The following FAM53A variants were observed in gnomAD, a reference collection of about 807,000 sequenced individuals.
The protein encoded by FAM53A is family with sequence similarity 53 member A, also known as protein FAM53A.
FAM53A carries 28 observed loss-of-function variants against 26.6 expected under a neutral mutation model. The ratio of observed to expected loss-of-function variants is 1.05; its 90% confidence interval spans 0.78 to 1.45. The LOEUF (loss-of-function observed/expected upper bound fraction) is 1.45, where lower values mean the gene tolerates loss of function less well. Among genes scored for constraint, FAM53A ranks in the 40% most tolerant of loss-of-function variants. The pLI is 0.00. For synonymous variants in FAM53A, 290 were observed against 253.1 expected (o/e 1.15, Z -1.38); for missense variants, 650 against 575.8 (o/e 1.13, Z -1.32).
chr4:1,621,101 C>T (rs1371298055), intron 1 of FAM53A, among the ~76,000 whole-genome samples: 50 of 95,508 alleles, frequency 5.2e-4, no homozygotes, highest in African/African-American at 7.9e-4. Context: ...AGCTACGCTA[C>T]TTTTTTTTTT....
intron 2 of FAM53A, among the ~76,000 whole-genome samples, chr4:1,657,794 C>G (rs1021766581): frequency 1.3e-5 from 2 of 151,902 alleles, no homozygotes; most frequent in Admixed American, 6.6e-5. Flanking sequence ...CCCACCACCA[C>G]GCCCGGTTAA....
the FAM53A span, among the ~76,000 whole-genome samples, chr4:1,607,984 A>C: frequency 6.7e-6 from 1 of 149,214 alleles, no homozygotes; most frequent in East Asian, 2.0e-4. Context: ...TGGTAGCACG[A>C]GCCTGTAATC....
chr4:1,643,282 C>G (rs181267892), intron 4 of FAM53A, among the ~76,000 whole-genome samples: 1 of 151,964 alleles, frequency 6.6e-6, no homozygotes, highest in Non-Finnish European at 1.5e-5. Flanking sequence ...CTGGCTAACA[C>G]GGTGAAGCCC....
the FAM53A span, among the ~76,000 whole-genome samples, chr4:1,583,230 C>A: frequency 2.0e-5 from 3 of 152,262 alleles, no homozygotes; most frequent in African/African-American, 4.8e-5. Context: ...GGGAGGGGAC[C>A]AGCACCAAGA....
Position 1,623,461 on chromosome 4 carries a change from G to A in FAM53A, c.432-5350C>T, listed in dbSNP as rs190136900. Among the ~76,000 whole-genome samples, 250 of 152,324 alleles carry A rather than the reference G, an allele frequency of 1.6e-3. 2 individuals are homozygous for A. Among genetic ancestry groups the A allele is most frequent in the Non-Finnish European group, 6.2e-4 (42 of 68,032 alleles). ...CTCAGGCCACCAGGCCCCCGGGCTC[G>A]CCAGCGCTTTCACCGGATGGCCACC... On this transcript the variant is annotated intron_variant, in intron 1 of 1. Coordinates refer to the FAM53A transcript ENST00000489029.
chr4:1,593,812 G>A, the FAM53A span, among the ~76,000 whole-genome samples: 5 of 152,084 alleles, frequency 3.3e-5, no homozygotes, highest in East Asian at 7.7e-4. Context: ...ACGCGCGCTC[G>A]GGTGAAAAAA....
chr4:1,680,122 C>G (rs1367854587), intron 1 of FAM53A, among the ~76,000 whole-genome samples: 6 of 151,434 alleles, frequency 4.0e-5, no homozygotes, highest in African/African-American at 1.5e-4. Context: ...GGGTTCAAGA[C>G]CAGCCTGGCC....
rs1333143271 is a variant in FAM53A, at chr4:1,659,118, G to A, written c.76-1650C>T. On this transcript the variant is annotated intron_variant, in intron 2 of 4. Transcript: ENST00000308132. The surrounding 1 kb of genome is among the most constrained non-coding windows in gnomAD (Gnocchi z 5.2). Reference sequence around the variant, plus strand: ...GAAAAAAGACAGGCCGCCTACACACGGGGTCCCACCTCAGCCAGCACGGCG... The same window carrying A: ...GAAAAAAGACAGGCCGCCTACACACAGGGTCCCACCTCAGCCAGCACGGCG... Among the ~76,000 whole-genome samples the A allele has an allele frequency of 6.6e-6, 1 of 151,884 alleles. No homozygotes were observed. The highest frequency in any genetic ancestry group is 1.5e-5 in the Non-Finnish European group (1 of 68,038).
chr4:1,581,839 C>G, the FAM53A span, among the ~76,000 whole-genome samples: 1 of 151,850 alleles, frequency 6.6e-6, no homozygotes, highest in East Asian at 1.9e-4. Flanking sequence ...AGGTGATCTG[C>G]CCTCCTCATC....
downstream of FAM53A, among the ~76,000 whole-genome samples, chr4:1,616,124 G>A (rs919370098): frequency 2.6e-5 from 4 of 152,226 alleles, no homozygotes; most frequent in Admixed American, 6.5e-5. Flanking sequence ...CCGGCAAGAC[G>A]AAGGGGTGGG....
At chr4:1,610,171 C>T in the FAM53A span, among the ~76,000 whole-genome samples, 1 of 151,926 alleles carries the variant, frequency 6.6e-6, no homozygotes, top group African/African-American at 2.4e-5. Context: ...CGAGGGGGCA[C>T]CCAGGACTGG....
intron 4 of FAM53A, among the ~76,000 whole-genome samples, chr4:1,650,630 G>A (rs922298790): frequency 6.6e-6 from 1 of 151,930 alleles, no homozygotes; most frequent in African/African-American, 2.4e-5. Context: ...CAAGTAGCTA[G>A]GACTACAGGC....
At chr4:1,587,451 C>T in the FAM53A span, among the ~76,000 whole-genome samples, 1 of 152,284 alleles carries the variant, frequency 6.6e-6, no homozygotes, top group Admixed American at 6.5e-5. Context: ...GCAGGCAGAT[C>T]ATTTGAGGCC....
intron 1 of FAM53A, among the ~76,000 whole-genome samples, chr4:1,671,750 C>T (rs1392597682): frequency 2.0e-5 from 3 of 152,278 alleles, no homozygotes; most frequent in Admixed American, 1.3e-4. Flanking sequence ...TCACACCGTG[C>T]ACCACGAGGG....
At chr4:1,680,414 C>T (rs1715354773) in intron 1 of FAM53A, among the ~76,000 whole-genome samples, 1 of 150,752 alleles carries the variant, frequency 6.6e-6, no homozygotes, top group Non-Finnish European at 1.5e-5. Flanking sequence ...ACTGACAACA[C>T]CCAAGTGCTG....
chr4:1,658,795 G>A (rs983000852), intron 2 of FAM53A, among the ~76,000 whole-genome samples: 6 of 152,254 alleles, frequency 3.9e-5, no homozygotes, highest in Non-Finnish European at 7.3e-5. Context: ...CAGGAGGGGG[G>A]TCCTGCCGGG....
the FAM53A span, among the ~76,000 whole-genome samples, chr4:1,580,749 C>A: frequency 1.4e-5 from 2 of 142,060 alleles, no homozygotes; most frequent in South Asian, 4.6e-4. Context: ...TCCTGCCTCC[C>A]GTCCAGGTCC....
the FAM53A span, among the ~76,000 whole-genome samples, chr4:1,584,957 GT>G: frequency 6.6e-6 from 1 of 152,124 alleles, no homozygotes; most frequent in East Asian, 1.9e-4. Context: ...TTGCAGACTT[GT>G]TTTTTTAATT....
chr4:1,578,694 C>G, the FAM53A span, among the ~76,000 whole-genome samples: 1 of 146,520 alleles, frequency 6.8e-6, no homozygotes, highest in East Asian at 2.0e-4. Context: ...CAACGAGGCT[C>G]GGAGGAGGCA....
Sources: gnomAD v4.1 joint callset for allele counts (sites outside exome capture counted in the v4.1 genomes callset) on GRCh38, gnomAD v4.1.1 for gene constraint, Gnocchi (gnomAD v3.1) non-coding constraint, MANE v1.5 for transcripts, NCBI Gene and HGNC (gene_info 2026-07-23, HGNC 2026-07-21) for gene names.